Variants in SLCO5A1 observed in about 807,000 individuals in gnomAD.
SLCO5A1 encodes the protein organic anion transporter polypeptide-related protein 4.
A neutral mutation model predicts 65.1 loss-of-function variants in SLCO5A1; 39 were observed. That is an observed-to-expected ratio of 0.60 (90% CI 0.46 to 0.78). The LOEUF is 0.78. Among genes scored for constraint, SLCO5A1 ranks in the 30% least tolerant of loss-of-function variants. The pLI is 0.00. For missense variants in SLCO5A1, 1,029 were observed against 1,069.4 expected, an observed-to-expected ratio of 0.96 and a Z score of 0.53; for synonymous variants, 438 against 415.7, an observed-to-expected ratio of 1.05 and a Z score of -0.65.
chr8:69,761,990 A>C (rs1040847996), intron 2 of SLCO5A1, 115 bp from the exon 3 acceptor site: 1 of 1,275,268 alleles, frequency 7.8e-7, no homozygotes, highest in Non-Finnish European at 1.1e-6. Flanking sequence ...GTTAACTTCC[A>C]AAAACGGAGA....
chr8:69,736,068 A>C (rs1816541018), intron 5 of SLCO5A1, among the ~76,000 whole-genome samples: 1 of 152,248 alleles, frequency 6.6e-6, no homozygotes, highest in African/African-American at 2.4e-5. Flanking sequence ...TGATCAAAAC[A>C]AACAAAAGTT....
At chr8:69,685,110 T>C (rs1279288064) in intron 6 of SLCO5A1, among the ~76,000 whole-genome samples, 1 of 152,106 alleles carries the variant, frequency 6.6e-6, no homozygotes, top group African/African-American at 2.4e-5. Flanking sequence ...GCAACAAATA[T>C]AAATAGCAAT....
chr8:69,759,849 C>T (rs773720240), intron 3 of SLCO5A1, among the ~76,000 whole-genome samples: 14 of 152,070 alleles, frequency 9.2e-5, no homozygotes, highest in Non-Finnish European at 1.9e-4. Flanking sequence ...AGGCTCGCCA[C>T]GTTAGCCAGG....
chr8:69,823,534 A>G (rs1293494291), intron 2 of SLCO5A1, among the ~76,000 whole-genome samples: 1 of 152,246 alleles, frequency 6.6e-6, no homozygotes, highest in Non-Finnish European at 1.5e-5. Context: ...AAAGAAGGCC[A>G]TTACATAATG....
chr8:69,726,671 T>C (rs1315753821), intron 5 of SLCO5A1, among the ~76,000 whole-genome samples: 1 of 152,120 alleles, frequency 6.6e-6, no homozygotes, highest in Non-Finnish European at 1.5e-5. Flanking sequence ...AGCTAACTTT[T>C]ATACTTTTAG....
chr8:69,711,425 G>A (rs1388671445), intron 5 of SLCO5A1, among the ~76,000 whole-genome samples: 2 of 152,184 alleles, frequency 1.3e-5, no homozygotes, highest in Middle Eastern at 3.2e-3. Flanking sequence ...CAAGACCTGG[G>A]GAGCGCAGGA....
intron 2 of SLCO5A1, chr8:69,794,361 C>T: frequency 2.3e-6 from 1 of 430,002 alleles, no homozygotes; most frequent in Non-Finnish European, 4.6e-6. Flanking sequence ...CATAACTGCT[C>T]TCCTACTATT....
At chr8:69,764,466 A>G (rs1268841214) in intron 2 of SLCO5A1, among the ~76,000 whole-genome samples, 1 of 152,198 alleles carries the variant, frequency 6.6e-6, no homozygotes, top group Admixed American at 6.5e-5. Flanking sequence ...GAGAAAGCAC[A>G]GTGTTTATTT....
chr8:69,795,808 C>T (rs916759061), intron 2 of SLCO5A1, among the ~76,000 whole-genome samples: 1 of 152,228 alleles, frequency 6.6e-6, no homozygotes, highest in Non-Finnish European at 1.5e-5. Context: ...GACCCTGCAG[C>T]AGGCTTCTAC....
chr8:69,720,617 T>C (rs1039638892), intron 5 of SLCO5A1, among the ~76,000 whole-genome samples: 1 of 152,222 alleles, frequency 6.6e-6, no homozygotes, highest in Non-Finnish European at 1.5e-5. Context: ...TTTCAACCCA[T>C]TGGAACAAGA....
In SLCO5A1 at chr8:69,672,512, T is replaced by C. The variant is rs1474463954; in HGVS notation, c.*357A>G. The C allele has an allele frequency of 1.8e-5, 4 of 219,354 alleles. No homozygotes were observed. Among genetic ancestry groups the C allele is most frequent in the Non-Finnish European group, 2.7e-5 (3 of 109,308 alleles). The allele number at this position is 219,354 out of a possible 1,614,324, so 13.6% of individuals were successfully genotyped here. A position where few individuals can be genotyped will look rare whatever the true frequency, so the allele number is the denominator to read the frequency against. The stretch of plus-strand genomic sequence containing the variant: ...TGGAAATGCCAAGTCCTGGGCAAGC[T>C]CACCTTTGTTTGGAGTGTTAGTTAA... On this transcript the variant is annotated 3_prime_UTR_variant, in exon 10 of 10. Coordinates refer to ENST00000260126, the MANE Select transcript of SLCO5A1 (RefSeq NM_030958.3).
At position 69,671,662 on chromosome 8, in the gene SLCO5A1, G is replaced by C. The variant is rs1813332537; in HGVS notation, c.*1207C>G. 6.6e-6 allele frequency: 1 copy of C among 152,158 alleles called. No individual in the cohort carries two copies. The highest frequency in any genetic ancestry group is 2.1e-4 in the South Asian group (1 of 4,830). 9.4% of individuals were successfully genotyped at this position (152,158 alleles called of 1,614,324 possible). On this transcript the variant is annotated 3_prime_UTR_variant, in exon 10 of 10. Transcript: ENST00000260126. ...TCACTGCCAGAAACTTACAGTAAGGGGGAATCAAAGGGTAGTGTAAAACGA... is the reference window on the plus strand; with the variant it reads ...TCACTGCCAGAAACTTACAGTAAGGCGGAATCAAAGGGTAGTGTAAAACGA...
Position 69,726,496 on chromosome 8 carries a change from C to CCTTTT in SLCO5A1, c.1423+11543_1423+11544insAAAAG, listed in dbSNP as rs71275007. Reference sequence around the variant, plus strand: ...GCTTTCTCTTTCATTTTCCTACCTCCTTTTTTTTTTTTTTTTTTGGGGGGA... The same window carrying CCTTTT: ...GCTTTCTCTTTCATTTTCCTACCTCCCTTTTTTTTTTTTTTTTTTTTTTGGGGGGA... On this transcript the variant is annotated intron_variant, in intron 5 of 9. Transcript: ENST00000260126. Among the ~76,000 whole-genome samples, 15 of 115,026 alleles carry CCTTTT rather than the reference C, an allele frequency of 1.3e-4. 5 individuals are homozygous for CCTTTT. Among genetic ancestry groups the CCTTTT allele is most frequent in the Non-Finnish European group, 1.5e-4 (8 of 54,600 alleles). 75.5% of individuals were successfully genotyped at this position (115,026 alleles called of 152,430 possible).
intron 5 of SLCO5A1, among the ~76,000 whole-genome samples, chr8:69,709,240 G>A (rs1815115081): frequency 6.6e-6 from 1 of 152,194 alleles, no homozygotes; most frequent in Admixed American, 6.5e-5. Context: ...CTAGGATGCA[G>A]AGAGGACTTA....
chr8:69,815,843 A>AAT (rs1820383897), intron 2 of SLCO5A1, among the ~76,000 whole-genome samples: 1 of 152,208 alleles, frequency 6.6e-6, no homozygotes, highest in Non-Finnish European at 1.5e-5. Context: ...CACTAAAAAT[A>AAT]ATCCACTGGA....
intron 2 of SLCO5A1, among the ~76,000 whole-genome samples, chr8:69,800,444 A>G (rs1463837811): frequency 6.6e-6 from 1 of 152,056 alleles, no homozygotes; most frequent in East Asian, 1.9e-4. Context: ...ATAACAATGG[A>G]ACACATTCAT....
intron 5 of SLCO5A1, among the ~76,000 whole-genome samples, chr8:69,713,100 G>A (rs910834875): frequency 6.6e-6 from 1 of 152,180 alleles, no homozygotes; most frequent in Non-Finnish European, 1.5e-5. Context: ...TGCAGAGTAC[G>A]ATATCAGTCT....
intron 4 of SLCO5A1, among the ~76,000 whole-genome samples, chr8:69,739,742 AT>A (rs1467180012): frequency 2.6e-5 from 4 of 152,054 alleles, no homozygotes; most frequent in Non-Finnish European, 4.4e-5. Flanking sequence ...TGCATGCTTT[AT>A]TTTTTTACAT....
chr8:69,795,930 G>GGCTTACA (rs935278903), intron 2 of SLCO5A1, among the ~76,000 whole-genome samples: 1 of 152,252 alleles, frequency 6.6e-6, no homozygotes, highest in Non-Finnish European at 1.5e-5. Context: ...AAGCCTCCAA[G>GGCTTACA]GCTTACAGCT....
Sources: allele counts gnomAD v4.1 joint callset (sites outside exome capture counted in the v4.1 genomes callset), GRCh38; gene constraint gnomAD v4.1.1; transcripts MANE v1.5; gene names NCBI Gene and HGNC (gene_info 2026-07-23, HGNC 2026-07-21).